The following CDCA7 variants were observed in gnomAD, a reference collection of about 807,000 sequenced individuals.
The protein encoded by CDCA7 is cell division cycle associated 7.
CDCA7 carries 28 observed loss-of-function variants against 54.0 expected under a neutral mutation model. The observed-to-expected ratio is 0.52, with a 90% CI of 0.38 to 0.71. The LOEUF is 0.71. Among genes scored for constraint, CDCA7 ranks in the 30% least tolerant of loss-of-function variants. The pLI is 0.00. For synonymous variants in CDCA7, 180 were observed against 208.2 expected (o/e 0.86, Z 1.16); for missense variants, 484 against 586.0 (o/e 0.83, Z 1.80).
chr2:173,355,447 C>A lies in CDCA7; in HGVS notation c.21+463C>A, dbSNP rs1414100750. ...CCGCGCTCAGTGGGTGGCCCTTGGGCGCGCACCCCGCCCGGCAAGAGACGC... is the reference window on the plus strand; with the variant it reads ...CCGCGCTCAGTGGGTGGCCCTTGGGAGCGCACCCCGCCCGGCAAGAGACGC... On this transcript the variant is annotated intron_variant, in intron 1 of 9. Transcript: ENST00000306721. Among the ~76,000 whole-genome samples, 4 of 152,328 alleles carry A rather than the reference C, an allele frequency of 2.6e-5. No individual in the cohort carries two copies. In the East Asian group the frequency reaches 5.8e-4, roughly 22 times the overall value.
chr2:173,367,753 C>A lies in CDCA7; in HGVS notation c.*89C>A. 7.5e-7 allele frequency: 1 copy of A among 1,326,894 alleles called. No homozygotes were observed. The highest frequency in any genetic ancestry group is 1.1e-6 in the Non-Finnish European group (1 of 919,902). 82.2% of individuals were successfully genotyped at this position (1,326,894 alleles called of 1,614,324 possible). On this transcript the variant is annotated 3_prime_UTR_variant, in exon 10 of 10. Transcript: ENST00000306721. The stretch of plus-strand genomic sequence containing the variant: ...TTTCACTGAAACCTGAGTTAAAAAT[C>A]TTGATGATCAGCCTGTTTCATAAGA...
rs1251947410 is a variant in CDCA7 at position 173,355,662 on chromosome 2, AC to A, written c.21+683del. Among the ~76,000 whole-genome samples the A allele has an allele frequency of 8.9e-4, 93 of 104,724 alleles. No individual in the cohort carries two copies. The South Asian group carries it at 0.01, about 11-fold the overall frequency. The allele number at this position is 104,724 out of a possible 152,430, so 68.7% of individuals were successfully genotyped here. On this transcript the variant is annotated intron_variant, in intron 1 of 9. Coordinates refer to ENST00000306721, the MANE Select transcript of CDCA7 (RefSeq NM_031942.5). ...CTCGTTTCCTACTTCCTCCACCCCA[AC>A]CCCCAACCCCCCACCCCCCACCCCC...
chr2:173,366,982 C>G lies in CDCA7; in HGVS notation c.1186-168C>G, dbSNP rs1194868635. 6.6e-6 allele frequency among the ~76,000 whole-genome samples: 1 copy of G among 152,224 alleles called. No homozygotes were observed. Among genetic ancestry groups the G allele is most frequent in the Non-Finnish European group, 1.5e-5 (1 of 68,042 alleles). The stretch of plus-strand genomic sequence containing the variant: ...ATTTATCCCTGGTAGCTGCTTGTAA[C>G]TTCCACTCCTGGAAGGAAGCATTAG... On this transcript the variant is annotated intron_variant, in intron 8 of 9. Coordinates refer to ENST00000306721, the MANE Select transcript of CDCA7 (RefSeq NM_031942.5). The surrounding 1 kb of genome is among the most constrained non-coding windows in gnomAD (Gnocchi z 4.5).
chr2:173,355,429 C>G (rs1352143283), intron 1 of CDCA7, among the ~76,000 whole-genome samples: 1 of 152,248 alleles, frequency 6.6e-6, no homozygotes, highest in Admixed American at 6.5e-5. Context: ...TACCCGCGCT[C>G]AGTGGGTGGC....
Position 173,366,408 on chromosome 2 carries a change from G to C in CDCA7, c.1161G>C (p.Glu387Asp), listed in dbSNP as rs986331798. ...GCCTTCGAAACCGTTATGGTGAAGA[G>C]GTCAGGGATGCTCTGCTGGATCCGG... Reference protein sequence around the residue: ...GPCLRNRYGEEVRDALLDPNW... With the variant: ...GPCLRNRYGEDVRDALLDPNW... Residue 387 changes from glutamate to aspartate, a missense_variant, in exon 8 of 10, where the codon GAG (glutamate) becomes GAC (aspartate). Transcript: ENST00000306721. The surrounding 1 kb of genome is among the most constrained non-coding windows in gnomAD (Gnocchi z 4.5). The C allele has an allele frequency of 6.2e-7, 1 of 1,614,194 alleles. No homozygotes were observed. Among genetic ancestry groups the C allele is most frequent in the Non-Finnish European group, 8.5e-7 (1 of 1,180,036 alleles).
intron 3 of CDCA7, among the ~76,000 whole-genome samples, chr2:173,362,147 A>C (rs1034014582): frequency 1.3e-5 from 2 of 152,116 alleles, no homozygotes; most frequent in African/African-American, 4.8e-5. Context: ...ACATTACCCT[A>C]TGGCTAATTT....
chr2:173,366,842 G>A lies in CDCA7; in HGVS notation c.1186-308G>A, dbSNP rs1574222246. 6.6e-6 allele frequency among the ~76,000 whole-genome samples: 1 copy of A among 152,124 alleles called. No homozygotes were observed. Among genetic ancestry groups the A allele is most frequent in the Non-Finnish European group, 1.5e-5 (1 of 68,022 alleles). On this transcript the variant is annotated intron_variant, in intron 8 of 9. Transcript: ENST00000306721. This position sits in a 1 kb window ranked among gnomAD's most constrained non-coding sequence, Gnocchi z 4.5. The stretch of plus-strand genomic sequence containing the variant: ...ATTACAGGTGTGAGCCACCACGCCC[G>A]GCCCAGGGTGCTCTTAATTCAGAAC...
Position 173,363,851 on chromosome 2 carries a change from C to G in CDCA7, c.655C>G (p.Pro219Ala), listed in dbSNP as rs770107665. 1.2e-6 allele frequency: 2 copies of G among 1,614,218 alleles called. No homozygotes were observed. Among genetic ancestry groups the G allele is most frequent in the Admixed American group, 3.3e-5 (2 of 60,030 alleles). The part of the protein sequence containing the change: ...AKLMSELESF[P>A]GSFRGRHPLP... ...ACTCATGTCTGAATTAGAAAGCTTC[C>G]CTGGCTCGTTCCGTGGAAGACATCC... The change falls in exon 5 of 10, where the codon CCT (proline) becomes GCT (alanine). Residue 219 changes from proline to alanine, a missense_variant. By Grantham distance (27) the Pro-to-Ala change is conservative. This residue lies in a region of CDCA7 where 398 missense variants were observed against 447.4 expected (regional missense o/e 0.89). Coordinates refer to ENST00000306721, the MANE Select transcript of CDCA7 (RefSeq NM_031942.5).
In CDCA7 at chr2:173,366,749, G is replaced by T. The variant is rs966325454; in HGVS notation, c.1185+317G>T. Among the ~76,000 whole-genome samples, 1 of 152,136 alleles carries T rather than the reference G, an allele frequency of 6.6e-6. No individual in the cohort carries two copies. The highest frequency in any genetic ancestry group is 2.4e-5 in the African/African-American group (1 of 41,438). On this transcript the variant is annotated intron_variant, in intron 8 of 9. Transcript: ENST00000306721. This position sits in a 1 kb window ranked among gnomAD's most constrained non-coding sequence, Gnocchi z 4.5. ...AGACGGGGTTTCACCACATTGGCCA[G>T]GATGGTGTGGTGGTACAAGATCTCT...
At position 173,366,189 on chromosome 2, in the gene CDCA7, T is replaced by G; in HGVS notation, c.1036-94T>G. 7.1e-7 allele frequency: 1 copy of G among 1,404,790 alleles called. No individual in the cohort carries two copies. Among genetic ancestry groups the G allele is most frequent in the Non-Finnish European group, 9.7e-7 (1 of 1,034,420 alleles). 87.0% of individuals were successfully genotyped at this position (1,404,790 alleles called of 1,614,324 possible). On this transcript the variant is annotated intron_variant, in intron 7 of 9. Transcript: ENST00000306721. The surrounding 1 kb of genome is among the most constrained non-coding windows in gnomAD (Gnocchi z 4.5). ...GAGATTCATAGACAAAATGTAAGCC[T>G]ATACTACGAAGAGGGACATTCTGTA... is the stretch of plus-strand genomic sequence containing the variant.
Position 173,366,846 on chromosome 2 carries a change from C to T in CDCA7, c.1186-304C>T, listed in dbSNP as rs779958678. On this transcript the variant is annotated intron_variant, in intron 8 of 9. Coordinates refer to ENST00000306721, the MANE Select transcript of CDCA7 (RefSeq NM_031942.5). This position sits in a 1 kb window ranked among gnomAD's most constrained non-coding sequence, Gnocchi z 4.5. ...CAGGTGTGAGCCACCACGCCCGGCC[C>T]AGGGTGCTCTTAATTCAGAACACAA... Among the ~76,000 whole-genome samples, 4 of 152,088 alleles carry T rather than the reference C, an allele frequency of 2.6e-5. No homozygotes were observed. The highest frequency in any genetic ancestry group is 4.4e-5 in the Non-Finnish European group (3 of 68,008).
Position 173,367,820 on chromosome 2 carries a change from G to C in CDCA7, c.*156G>C. ...ATCTTAGCAGACATGTGTTTCTGGA[G>C]CATCACAGAAGGTATATTGCTAGTT... On this transcript the variant is annotated 3_prime_UTR_variant, in exon 10 of 10. Transcript: ENST00000306721. 1 of 826,778 alleles carries C rather than the reference G, an allele frequency of 1.2e-6. No homozygotes were observed. The highest frequency in any genetic ancestry group is 2.4e-4 in the Middle Eastern group (1 of 4,228). 51.2% of individuals were successfully genotyped at this position (826,778 alleles called of 1,614,324 possible). A position where few individuals can be genotyped will look rare whatever the true frequency, so the allele number is the denominator to read the frequency against.
At position 173,365,436 on chromosome 2, in the gene CDCA7, A is replaced by G; in HGVS notation, c.895-16A>G. 6.3e-7 allele frequency: 1 copy of G among 1,598,500 alleles called. No homozygotes were observed. Among genetic ancestry groups the G allele is most frequent in the Non-Finnish European group, 8.5e-7 (1 of 1,173,446 alleles). On this transcript the variant is annotated splice_polypyrimidine_tract_variant and intron_variant, in intron 6 of 9. Coordinates refer to ENST00000306721, the MANE Select transcript of CDCA7 (RefSeq NM_031942.5). ...TCAGTTTTGAAGTTCTGTGTTTTGT[A>G]TTCCTTGTAATGCAGGAAGATGACC...
In CDCA7 at chr2:173,358,683, C is replaced by A. The variant is rs189447098; in HGVS notation, c.22-29C>A. On this transcript the variant is annotated intron_variant, in intron 1 of 9. Coordinates refer to ENST00000306721, the MANE Select transcript of CDCA7 (RefSeq NM_031942.5). ...TTAGTTAAATAAAGTAAGCATCACGCTTAATAGGATTGCTATTTCCATTTG... is the reference window on the plus strand; with the variant it reads ...TTAGTTAAATAAAGTAAGCATCACGATTAATAGGATTGCTATTTCCATTTG... The A allele has an allele frequency of 4.4e-4, 715 of 1,608,082 alleles. 6 individuals are homozygous for A. In the African/African-American group the frequency reaches 6.8e-3, roughly 15 times the overall value.
intron 1 of CDCA7, 49 bp from the exon 2 acceptor site, chr2:173,358,663 T>TTAAA (rs752945397): frequency 6.3e-7 from 1 of 1,585,040 alleles, no homozygotes; most frequent in South Asian, 1.2e-5. Context: ...TGTCTTTAGT[T>TTAAA]AAATAAAGTA....
chr2:173,361,615 T>A (rs1213051187), intron 3 of CDCA7, among the ~76,000 whole-genome samples: 1 of 151,852 alleles, frequency 6.6e-6, no homozygotes, highest in Non-Finnish European at 1.5e-5. Flanking sequence ...CACACCTGGC[T>A]AATTTTTTAT....
chr2:173,360,952 T>G (rs1686609730), intron 3 of CDCA7, among the ~76,000 whole-genome samples: 1 of 152,120 alleles, frequency 6.6e-6, no homozygotes, highest in African/African-American at 2.4e-5. Context: ...TCACTCCCTA[T>G]TCTTTCCCAA....
rs1686739555 is a variant in CDCA7, at chr2:173,367,140, C to T, written c.1186-10C>T. The T allele has an allele frequency of 6.4e-7, 1 of 1,570,446 alleles. No homozygotes were observed. Among genetic ancestry groups the T allele is most frequent in the African/African-American group, 1.4e-5 (1 of 72,986 alleles). ...TAACTTAATTGTGCCGTTTGACAAT[C>T]CTCCTTCAGAACTGGCATTGCCCGC... On this transcript the variant is annotated splice_polypyrimidine_tract_variant and intron_variant, in intron 8 of 9. Coordinates refer to ENST00000306721, the MANE Select transcript of CDCA7 (RefSeq NM_031942.5).
chr2:173,358,565 G>A lies in CDCA7; in HGVS notation c.22-147G>A, dbSNP rs868189593. On this transcript the variant is annotated intron_variant, in intron 1 of 9. Coordinates refer to ENST00000306721, the MANE Select transcript of CDCA7 (RefSeq NM_031942.5). ...AAGAAAGAAAAAATTTTTTGTAGCAGTTAACAAACTTCCTTTTCTATGTAG... is the reference window on the plus strand; with the variant it reads ...AAGAAAGAAAAAATTTTTTGTAGCAATTAACAAACTTCCTTTTCTATGTAG... The A allele has an allele frequency of 1.9e-4, 158 of 840,724 alleles. 3 individuals carry two copies. The South Asian group carries it at 2.4e-3, about 13-fold the overall frequency. 52.1% of individuals were successfully genotyped at this position (840,724 alleles called of 1,614,324 possible). A position where few individuals can be genotyped will look rare whatever the true frequency, so the allele number is the denominator to read the frequency against.
Sources: allele counts gnomAD v4.1 joint callset (sites outside exome capture counted in the v4.1 genomes callset), GRCh38; gene constraint gnomAD v4.1.1; regional missense constraint gnomAD v4.1.1; non-coding constraint Gnocchi (gnomAD v3.1); transcripts MANE v1.5; gene names NCBI Gene and HGNC (gene_info 2026-07-23, HGNC 2026-07-21).